DNAH8: variants seen among roughly 807,000 people sequenced by gnomAD.
DNAH8 encodes the protein axonemal beta dynein heavy chain 8.
In DNAH8, 382 loss-of-function variants were observed where a neutral mutation model predicts 562.1. The ratio of observed to expected loss-of-function variants is 0.68; its 90% CI spans 0.63 to 0.74. The LOEUF (loss-of-function observed/expected upper bound fraction) is 0.74, where lower values mean the gene tolerates loss of function less well. Ranked by LOEUF, DNAH8 falls within the 30% of genes least tolerant of loss-of-function variation. DNAH8 has a pLI of 0.00. For synonymous variants in DNAH8, 1,881 were observed against 1,919.4 expected, an observed-to-expected ratio of 0.98 and a Z score of 0.52; for missense variants, 5,203 against 5,620.4, an observed-to-expected ratio of 0.93 and a Z score of 2.37.
At position 38,860,526 on chromosome 6, in the gene DNAH8, G is replaced by T; in HGVS notation, c.6028G>T (p.Asp2010Tyr). 2 of 1,510,450 alleles carry T rather than the reference G, an allele frequency of 1.3e-6. No homozygotes were observed. The highest frequency in any genetic ancestry group is 1.8e-6 in the Non-Finnish European group (2 of 1,135,166). The allele number at this position is 1,510,450 out of a possible 1,614,324, so 93.6% of individuals were successfully genotyped here. A position where few individuals can be genotyped will look rare whatever the true frequency, so the allele number is the denominator to read the frequency against. Reference protein sequence around the residue: ...LKQSRFYFKEDLDQTVVSITD... With the variant: ...LKQSRFYFKEYLDQTVVSITD... ...ACAGAGTAGATTTTATTTTAAGGAA[G>T]ATTTGGATCAAACTGTGGTGTCTAT... The change falls in exon 43 of 93, where the codon GAT becomes TAT. Residue 2010 changes from aspartate to tyrosine, a missense_variant. By Grantham distance (160) the Asp-to-Tyr change is radical. Coordinates refer to ENST00000327475, the MANE Select transcript of DNAH8 (RefSeq NM_001206927.2).
intron 24 of DNAH8, among the ~76,000 whole-genome samples, chr6:38,810,411 G>A (rs1771689470): frequency 6.6e-6 from 1 of 152,134 alleles, no homozygotes; most frequent in Non-Finnish European, 1.5e-5. Flanking sequence ...GACCAACATG[G>A]TGAAACTCTG....
intron 23 of DNAH8, among the ~76,000 whole-genome samples, chr6:38,806,172 A>G (rs1771258504): frequency 6.6e-6 from 1 of 152,084 alleles, no homozygotes; most frequent in Admixed American, 6.5e-5. Flanking sequence ...TCTGAATGTC[A>G]CTGTCACATT....
intron 56 of DNAH8, among the ~76,000 whole-genome samples, chr6:38,885,056 A>G (rs765634077): frequency 1.4e-4 from 22 of 152,164 alleles, no homozygotes; most frequent in Non-Finnish European, 1.6e-4. Flanking sequence ...AAAACCAAAC[A>G]GTTCTGTATG....
chr6:38,905,419 A>G (rs1210347053), intron 62 of DNAH8, among the ~76,000 whole-genome samples: 1 of 152,180 alleles, frequency 6.6e-6, no homozygotes, highest in Non-Finnish European at 1.5e-5. Flanking sequence ...CATTTCTATT[A>G]TTTATACCTT....
At chr6:38,722,081 A>G (rs1006170552) in intron 1 of DNAH8, among the ~76,000 whole-genome samples, 5 of 152,192 alleles carry the variant, frequency 3.3e-5, no homozygotes, top group Non-Finnish European at 5.9e-5. Context: ...TTATGTGCTC[A>G]TAACTTCTAC....
intron 28 of DNAH8, among the ~76,000 whole-genome samples, chr6:38,824,444 A>G (rs1169360045): frequency 1.3e-5 from 2 of 152,178 alleles, no homozygotes; most frequent in Non-Finnish European, 2.9e-5. Flanking sequence ...TTGTACACAT[A>G]TGAGAACTGA....
At chr6:38,917,874 G>T (rs1220197343) in intron 69 of DNAH8, 51 bp from the exon 70 acceptor site, 1 of 1,389,774 alleles carries the variant, frequency 7.2e-7, no homozygotes, top group Non-Finnish European at 9.9e-7. Context: ...TATTAACTCA[G>T]GAAGAAAGTA....
In DNAH8 at chr6:38,898,265, C is replaced by G; in HGVS notation, c.8948C>G (p.Ser2983Cys). The change falls in exon 61 of 93, where the codon TCC becomes TGC. Residue 2983 changes from serine to cysteine, a missense_variant. Around this residue, in one of 6 missense-constraint regions of DNAH8, gnomAD observed 977 missense variants for 1,061.8 expected, o/e 0.92. Coordinates refer to ENST00000327475, the MANE Select transcript of DNAH8 (RefSeq NM_001206927.2). ...EVPKIYELMPSFDFLAEKLQF... is the reference protein window; with the variant it reads ...EVPKIYELMPCFDFLAEKLQF... ...CTTTCTCTCCACCCATAGATGCCAT[C>G]CTTTGACTTTCTGGCTGAAAAACTC... 6.3e-7 allele frequency: 1 copy of G among 1,590,964 alleles called. No individual in the cohort carries two copies. Among genetic ancestry groups the G allele is most frequent in the Non-Finnish European group, 8.5e-7 (1 of 1,172,492 alleles).
rs371388180 is a variant in DNAH8, at chr6:38,848,801, G to A, written c.5199G>A (p.Gln1733=). 1 of 1,612,612 alleles carries A rather than the reference G, an allele frequency of 6.2e-7. No homozygotes were observed. The highest frequency in any genetic ancestry group is 8.5e-7 in the Non-Finnish European group (1 of 1,179,212). Residue 1733 remains glutamine, a splice_region_variant and synonymous_variant, in exon 37 of 93, where the codon CAG becomes CAA. Coordinates refer to ENST00000327475, the MANE Select transcript of DNAH8 (RefSeq NM_001206927.2). ...VGGDIAKQLP[Q]EAKRFQNIDK... is the part of the protein sequence containing the mutation. The stretch of plus-strand genomic sequence containing the variant: ...GAGATATTGCCAAACAGCTGCCTCA[G>A]GTAAATATGGCTTTTGTAATTACTG...
chr6:38,893,604 T>C (rs965207295), intron 58 of DNAH8, among the ~76,000 whole-genome samples: 5 of 152,168 alleles, frequency 3.3e-5, no homozygotes, highest in African/African-American at 9.7e-5. Flanking sequence ...AGGATGAACA[T>C]TTTAGTTTGC....
intron 39 of DNAH8, among the ~76,000 whole-genome samples, chr6:38,852,074 C>A (rs1775793306): frequency 1.3e-5 from 2 of 152,144 alleles, no homozygotes; most frequent in African/African-American, 2.4e-5. Flanking sequence ...GTATTTTATT[C>A]TAAATATTCT....
rs763300281 is a variant in DNAH8 at position 38,807,633 on chromosome 6, T to C, written c.3174T>C (p.Phe1058=). The C allele has an allele frequency of 1.9e-6, 3 of 1,556,432 alleles. No individual in the cohort carries two copies. The highest frequency in any genetic ancestry group is 2.6e-6 in the Non-Finnish European group (3 of 1,155,490). ...FKKECKEVFA[F]FSHQLLDSLQ... Reference sequence around the variant, plus strand: ...AGGAGTGTAAAGAGGTCTTTGCTTTTTTCTCTCATCAATTACTAGACAGTC... The same window carrying C: ...AGGAGTGTAAAGAGGTCTTTGCTTTCTTCTCTCATCAATTACTAGACAGTC... Residue 1058 remains phenylalanine (F), a synonymous_variant, in exon 24 of 93, where the codon TTT becomes TTC. Coordinates refer to ENST00000327475, the MANE Select transcript of DNAH8 (RefSeq NM_001206927.2).
At position 38,802,531 on chromosome 6, in the gene DNAH8, G is replaced by C. The variant is rs16891070; in HGVS notation, c.2902-648G>C. 7.8e-3 allele frequency among the ~76,000 whole-genome samples: 1,186 copies of C among 152,320 alleles called. 50 individuals carry two copies. The East Asian group carries it at 0.11, about 14-fold the overall frequency. On this transcript the variant is annotated intron_variant, in intron 21 of 92. Transcript: ENST00000327475. Reference sequence around the variant, plus strand: ...CAACTTCTTCCTAAAGCATTTGCTAGTAGAAGAGTTTAGAAAGACAAAGTG... The same window carrying C: ...CAACTTCTTCCTAAAGCATTTGCTACTAGAAGAGTTTAGAAAGACAAAGTG...
intron 85 of DNAH8, among the ~76,000 whole-genome samples, chr6:38,976,394 A>C (rs556524726): frequency 6.6e-6 from 1 of 152,348 alleles, no homozygotes; most frequent in Non-Finnish European, 1.5e-5. Flanking sequence ...TTACTGTGAT[A>C]TTTCCAAAAT....
Position 38,750,523 on chromosome 6 carries a change from CA to C in DNAH8, c.1344del (p.Asp449IlefsTer21). 6.2e-7 allele frequency: 1 copy of C among 1,610,602 alleles called. No individual in the cohort carries two copies. Among genetic ancestry groups the C allele is most frequent in the South Asian group, 1.1e-5 (1 of 90,464 alleles). On this transcript the variant is annotated frameshift_variant, in exon 9 of 93. Coordinates refer to ENST00000327475, the MANE Select transcript of DNAH8 (RefSeq NM_001206927.2). LOFTEE classifies it high-confidence loss of function. ...GAATCACTGATACAGCAAATGAATC[CA>C]AAGATAATGTCAGATATTTGTATAC... ...ARITDTANES[K>X]DNVRYLYTLE...
At chr6:38,936,136 G>A (rs1410695570) in intron 77 of DNAH8, among the ~76,000 whole-genome samples, 1 of 151,944 alleles carries the variant, frequency 6.6e-6, no homozygotes, top group African/African-American at 2.4e-5. Flanking sequence ...ATCACCTGAG[G>A]TCAGGAGTTT....
At chr6:38,881,670 G>A (rs1778505639) in intron 53 of DNAH8, among the ~76,000 whole-genome samples, 2 of 150,850 alleles carry the variant, frequency 1.3e-5, no homozygotes, top group East Asian at 3.9e-4. Flanking sequence ...TCCTGCCTCA[G>A]CCTCCCGAGT....
intron 56 of DNAH8, among the ~76,000 whole-genome samples, chr6:38,886,440 G>A (rs745912860): frequency 1.4e-4 from 21 of 152,208 alleles, no homozygotes; most frequent in Admixed American, 2.6e-4. Context: ...AGGTTTTTAA[G>A]TGTTGAATAT....
intron 53 of DNAH8, among the ~76,000 whole-genome samples, chr6:38,877,018 A>G (rs1778069252): frequency 1.3e-5 from 2 of 152,212 alleles, no homozygotes; most frequent in South Asian, 4.1e-4. Flanking sequence ...TCAAAATGCA[A>G]ACTAACAAAG....
Sources: allele counts gnomAD v4.1 joint callset (sites outside exome capture counted in the v4.1 genomes callset), GRCh38; gene constraint gnomAD v4.1.1; regional missense constraint gnomAD v4.1.1; transcripts MANE v1.5; gene names NCBI Gene and HGNC (gene_info 2026-07-23, HGNC 2026-07-21).